The following AKAP7 variants were observed in gnomAD, a reference collection of about 807,000 sequenced individuals.
AKAP7 encodes A kinase (PRKA) anchor protein 7.
AKAP7 carries 39 observed loss-of-function variants against 39.5 expected under a neutral mutation model. The observed-to-expected ratio is 0.99, with a 90% CI of 0.76 to 1.29. The LOEUF is 1.29. Ranked by LOEUF, AKAP7 falls within the 50% of genes most tolerant of loss-of-function variation. The pLI is 0.00. For missense variants in AKAP7, 414 were observed against 407.7 expected (o/e 1.02, Z -0.13); for synonymous variants, 140 against 139.1 (o/e 1.01, Z -0.05).
chr6:131,150,708 T>C (rs1325716519), intron 2 of AKAP7, among the ~76,000 whole-genome samples: 2 of 152,354 alleles, frequency 1.3e-5, no homozygotes, highest in Admixed American at 6.5e-5. Flanking sequence ...GGTACTGTTA[T>C]TGGTGCTGAG....
chr6:131,230,851 T>C (rs1810568818), intron 7 of AKAP7, among the ~76,000 whole-genome samples: 1 of 152,136 alleles, frequency 6.6e-6, no homozygotes, highest in Admixed American at 6.6e-5. Context: ...CTATAGCTTG[T>C]CATGTTTTGC....
chr6:131,257,367 C>CAAA (rs10712918), intron 7 of AKAP7, among the ~76,000 whole-genome samples: 25 of 89,526 alleles, frequency 2.8e-4, no homozygotes, highest in East Asian at 2.3e-3. Flanking sequence ...GGCCTTGTCT[C>CAAA]AAAAAAAAAA....
intron 5 of AKAP7, among the ~76,000 whole-genome samples, chr6:131,173,033 G>A (rs545956949): frequency 8.6e-5 from 13 of 151,742 alleles, no homozygotes; most frequent in Non-Finnish European, 1.6e-4. Context: ...GTGAAACCCC[G>A]TCTCTATTAA....
At chr6:131,244,963 GTC>G (rs1811881445) in intron 7 of AKAP7, among the ~76,000 whole-genome samples, 1 of 152,112 alleles carries the variant, frequency 6.6e-6, no homozygotes, top group African/African-American at 2.4e-5. Flanking sequence ...GAAGTAAAAA[GTC>G]TGTTGAAAAT....
At chr6:131,235,581 ACTTT>A (rs1467406923) in intron 7 of AKAP7, among the ~76,000 whole-genome samples, 6 of 152,126 alleles carry the variant, frequency 3.9e-5, no homozygotes, top group Non-Finnish European at 7.4e-5. Context: ...TTGTTTCCTG[ACTTT>A]TTAATGGTCA....
At chr6:131,236,906 C>T (rs1811119404) in intron 7 of AKAP7, among the ~76,000 whole-genome samples, 1 of 152,104 alleles carries the variant, frequency 6.6e-6, no homozygotes, top group Non-Finnish European at 1.5e-5. Flanking sequence ...TTTCCTTCTC[C>T]TGCCTGATTG....
intron 7 of AKAP7, among the ~76,000 whole-genome samples, chr6:131,263,438 T>C (rs893170922): frequency 6.6e-6 from 1 of 152,210 alleles, no homozygotes; most frequent in Non-Finnish European, 1.5e-5. Context: ...CATTCCCATA[T>C]ATGAAATTTG....
At chr6:131,206,430 GT>G (rs1808101841) in intron 6 of AKAP7, among the ~76,000 whole-genome samples, 1 of 152,148 alleles carries the variant, frequency 6.6e-6, no homozygotes, top group Non-Finnish European at 1.5e-5. Flanking sequence ...GATGCAAAAA[GT>G]AAGGGCTGAA....
chr6:131,183,222 T>C (rs1304019135), intron 5 of AKAP7, among the ~76,000 whole-genome samples: 1 of 152,174 alleles, frequency 6.6e-6, no homozygotes, highest in Admixed American at 6.5e-5. Context: ...TACTCCAGGG[T>C]ATGCTGGCAT....
At chr6:131,188,422 T>C (rs1028601489) in intron 5 of AKAP7, among the ~76,000 whole-genome samples, 7 of 152,250 alleles carry the variant, frequency 4.6e-5, no homozygotes, top group African/African-American at 1.7e-4. Context: ...TTTTTCGTAT[T>C]ATATGTGACA....
intron 5 of AKAP7, among the ~76,000 whole-genome samples, chr6:131,179,405 C>T (rs1022112760): frequency 3.9e-5 from 6 of 152,146 alleles, no homozygotes; most frequent in South Asian, 2.1e-4. Flanking sequence ...AACTCCTGAC[C>T]TCAAGTGATC....
rs544050525 is a variant in AKAP7 at position 131,235,710 on chromosome 6, T to C, written c.850+15902T>C. On this transcript the variant is annotated intron_variant, in intron 7 of 7. Coordinates refer to ENST00000431975, the MANE Select transcript of AKAP7 (RefSeq NM_016377.4). ...CTTTTGGCTGCATAAATGTCTTCTT[T>C]TGAGAAGTGCCTGTTCATGTCCTTC... Among the ~76,000 whole-genome samples the C allele has an allele frequency of 4.9e-3, 753 of 152,340 alleles. 5 individuals are homozygous for C. Among genetic ancestry groups the C allele is most frequent in the African/African-American group, 0.017 (719 of 41,562 alleles).
At chr6:131,145,023 T>C (rs1216733118) in intron 1 of AKAP7, among the ~76,000 whole-genome samples, 3 of 152,218 alleles carry the variant, frequency 2.0e-5, no homozygotes, top group Non-Finnish European at 4.4e-5. Context: ...TGAGGATTAT[T>C]GATTGACTCA....
intron 7 of AKAP7, among the ~76,000 whole-genome samples, chr6:131,273,204 T>C (rs1814437382): frequency 6.6e-6 from 1 of 152,198 alleles, no homozygotes; most frequent in Non-Finnish European, 1.5e-5. Flanking sequence ...TTAACCTTCC[T>C]GTCTCTTCAT....
intron 7 of AKAP7, among the ~76,000 whole-genome samples, chr6:131,259,595 A>T (rs1813140628): frequency 6.6e-6 from 1 of 152,164 alleles, no homozygotes; most frequent in African/African-American, 2.4e-5. Flanking sequence ...AGATACATTA[A>T]ACCCAGTAGT....
At chr6:131,277,531 A>G (rs1175591414) in intron 7 of AKAP7, among the ~76,000 whole-genome samples, 1 of 152,220 alleles carries the variant, frequency 6.6e-6, no homozygotes, top group African/African-American at 2.4e-5. Flanking sequence ...GAGTGTAGCC[A>G]TTTGTCTGAG....
intron 7 of AKAP7, among the ~76,000 whole-genome samples, chr6:131,231,873 C>G (rs531343445): frequency 1.3e-5 from 2 of 152,186 alleles, no homozygotes; most frequent in African/African-American, 2.4e-5. Context: ...ATGAAACATG[C>G]CTTCTAAAAA....
chr6:131,276,418 C>T (rs1814748220), intron 7 of AKAP7, among the ~76,000 whole-genome samples: 3 of 152,052 alleles, frequency 2.0e-5, no homozygotes, highest in Non-Finnish European at 4.4e-5. Flanking sequence ...TGATTCCTGA[C>T]CTGTCCTTCC....
rs150732405 is a variant in AKAP7 at position 131,237,669 on chromosome 6, C to G, written c.850+17861C>G. ...GTGTTGAGGAATTTATCTGTTTCTT[C>G]TAGATTTTCTAGTTTATTTGCCTAG... On this transcript the variant is annotated intron_variant, in intron 7 of 7. Coordinates refer to ENST00000431975, the MANE Select transcript of AKAP7 (RefSeq NM_016377.4). Among the ~76,000 whole-genome samples the G allele has an allele frequency of 9.3e-3, 1,409 of 152,242 alleles. 19 individuals are homozygous for G. Among genetic ancestry groups the G allele is most frequent in the African/African-American group, 0.03 (1,250 of 41,530 alleles).
Sources: allele counts gnomAD v4.1 joint callset (sites outside exome capture counted in the v4.1 genomes callset), GRCh38; gene constraint gnomAD v4.1.1; transcripts MANE v1.5; gene names NCBI Gene and HGNC (gene_info 2026-07-23, HGNC 2026-07-21).